Variants in PTPRN2 observed in about 807,000 individuals in gnomAD.
PTPRN2 encodes protein tyrosine phosphatase receptor type N2.
In PTPRN2, 74 loss-of-function variants were observed where a neutral mutation model predicts 118.8. The observed-to-expected ratio is 0.62, with a 90% confidence interval of 0.52 to 0.76. The LOEUF is 0.76. PTPRN2 is among the 30% of genes least tolerant of loss of function. The pLI, the probability that PTPRN2 is intolerant of heterozygous loss-of-function variation, is 0.00. For synonymous variants in PTPRN2, 641 were observed against 608.0 expected (o/e 1.05, Z -0.80); for missense variants, 1,481 against 1,394.4 (o/e 1.06, Z -0.99).
At chr7:157,997,777 G>A (rs1458984594) in intron 11 of PTPRN2, among the ~76,000 whole-genome samples, 2 of 150,244 alleles carry the variant, frequency 1.3e-5, no homozygotes, top group South Asian at 2.1e-4. Context: ...CCTGCACAGA[G>A]GAGAGGAATG....
At chr7:158,320,177 ACAGCCTCCCTCGTACACAC>A in intron 2 of PTPRN2, among the ~76,000 whole-genome samples, 2 of 138,474 alleles carry the variant, frequency 1.4e-5, no homozygotes, top group Admixed American at 7.0e-5. Context: ...TCGTACACAC[ACAGCCTCCCTCGTACACAC>A]ACAGCCTCCC....
intron 11 of PTPRN2, among the ~76,000 whole-genome samples, chr7:157,923,937 G>A (rs1371646682): frequency 6.6e-6 from 1 of 152,168 alleles, no homozygotes. Flanking sequence ...CTGAATTAGA[G>A]GAGGCTGGCT....
At chr7:157,665,872 A>C (rs999121497) in intron 13 of PTPRN2, among the ~76,000 whole-genome samples, 5 of 152,232 alleles carry the variant, frequency 3.3e-5, no homozygotes, top group African/African-American at 1.2e-4. Flanking sequence ...TTCTCAGCAA[A>C]ATATCACAAA....
At chr7:158,432,857 G>C (rs1816320768) in intron 2 of PTPRN2, among the ~76,000 whole-genome samples, 1 of 152,180 alleles carries the variant, frequency 6.6e-6, no homozygotes, top group Non-Finnish European at 1.5e-5. Flanking sequence ...CTGACCTGGA[G>C]TGAAAACAGG....
chr7:158,307,340 G>A (rs542167256), intron 3 of PTPRN2, among the ~76,000 whole-genome samples: 6 of 152,176 alleles, frequency 3.9e-5, no homozygotes, highest in African/African-American at 1.4e-4. Context: ...GATCTTAGCA[G>A]CAGAAGAAAG....
chr7:158,316,788 G>C (rs532097420), intron 3 of PTPRN2, 31 bp downstream of exon 3: 2 of 1,534,070 alleles, frequency 1.3e-6, no homozygotes, highest in African/African-American at 1.4e-5. Context: ...CAGTGCGGCA[G>C]CCGCCGAGCC....
chr7:158,158,244 T>G (rs1407020767), intron 6 of PTPRN2, among the ~76,000 whole-genome samples: 2 of 152,152 alleles, frequency 1.3e-5, no homozygotes, highest in Admixed American at 6.5e-5. Flanking sequence ...GTATCAGTTA[T>G]TTCTGTGTTA....
rs541322608 is a variant in PTPRN2 at position 157,929,996 on chromosome 7, G to C, written c.1724-31259C>G. Reference sequence around the variant, plus strand: ...CGTCCCAGCTCAGACGCTCAGCTCTGGGCCATCACCCGTCGCTCAGCCTGG... The same window carrying C: ...CGTCCCAGCTCAGACGCTCAGCTCTCGGCCATCACCCGTCGCTCAGCCTGG... On this transcript the variant is annotated intron_variant, in intron 11 of 22. Transcript: ENST00000389418. The surrounding 1 kb of genome is among the most constrained non-coding windows in gnomAD (Gnocchi z 4.4). Among the ~76,000 whole-genome samples, 1 of 152,312 alleles carries C rather than the reference G, an allele frequency of 6.6e-6. No individual in the cohort carries two copies. The highest frequency in any genetic ancestry group is 2.1e-4 in the South Asian group (1 of 4,818).
rs200475892 is a variant in PTPRN2, at chr7:158,064,676, G to GC, written c.1723+16621dup. Among the ~76,000 whole-genome samples the GC allele has an allele frequency of 3.0e-3, 449 of 152,182 alleles. 1 individual carries two copies. Among genetic ancestry groups the GC allele is most frequent in the Non-Finnish European group, 4.5e-3 (307 of 67,986 alleles). On this transcript the variant is annotated intron_variant, in intron 11 of 22. Coordinates refer to ENST00000389418, the MANE Select transcript of PTPRN2 (RefSeq NM_002847.5). ...CCTCTGTCATCTCCCACTCACCAAA[G>GC]CCCCCCCTGTGCCAGTGATTTCCAG...
At chr7:157,970,450 G>C (rs545869359) in intron 11 of PTPRN2, among the ~76,000 whole-genome samples, 40 of 152,348 alleles carry the variant, frequency 2.6e-4, no homozygotes, top group African/African-American at 9.4e-4. Flanking sequence ...CTCTATTCCA[G>C]CACAAGGGTC....
intron 11 of PTPRN2, among the ~76,000 whole-genome samples, chr7:157,913,610 T>C (rs894782545): frequency 3.9e-5 from 6 of 152,254 alleles, no homozygotes; most frequent in African/African-American, 1.2e-4. Context: ...AATGTTAATA[T>C]TTAGCAAATG....
rs183961368 is a variant in PTPRN2, at chr7:157,861,210, G to A, written c.1788+37463C>T. Among the ~76,000 whole-genome samples, 4 of 152,302 alleles carry A rather than the reference G, an allele frequency of 2.6e-5. No individual in the cohort carries two copies. The highest frequency in any genetic ancestry group is 1.9e-4 in the East Asian group (1 of 5,166). On this transcript the variant is annotated intron_variant, in intron 12 of 22. Coordinates refer to ENST00000389418, the MANE Select transcript of PTPRN2 (RefSeq NM_002847.5). This position sits in a 1 kb window ranked among gnomAD's most constrained non-coding sequence, Gnocchi z 5.8. Reference sequence around the variant, plus strand: ...GTGCTCCATGGTGACACTGCCCCACGGGGTCCAAATGCTGAATTCCTGTAC... The same window carrying A: ...GTGCTCCATGGTGACACTGCCCCACAGGGTCCAAATGCTGAATTCCTGTAC...
Position 158,097,308 on chromosome 7 carries a change from G to A in PTPRN2, c.1643+13521C>T, listed in dbSNP as rs376427958. Among the ~76,000 whole-genome samples the A allele has an allele frequency of 1.2e-4, 19 of 152,212 alleles. No homozygotes were observed. In the East Asian group the frequency reaches 2.9e-3, roughly 23 times the overall value. On this transcript the variant is annotated intron_variant, in intron 10 of 22. Coordinates refer to ENST00000389418, the MANE Select transcript of PTPRN2 (RefSeq NM_002847.5). The stretch of plus-strand genomic sequence containing the variant: ...GATCGAGCAGGCACAGGCACCTCCC[G>A]CGCCCCGTGCACAGAGAAGACCCCA...
At chr7:158,334,897 G>A (rs1199092914) in intron 2 of PTPRN2, among the ~76,000 whole-genome samples, 4 of 13,458 alleles carry the variant, frequency 3.0e-4, no homozygotes, top group Admixed American at 1.3e-3. Flanking sequence ...GTCCGGAGGC[G>A]TCACTCACAC....
chr7:158,373,689 C>A (rs185126331), intron 2 of PTPRN2, among the ~76,000 whole-genome samples: 11 of 152,304 alleles, frequency 7.2e-5, no homozygotes, highest in Admixed American at 5.9e-4. Context: ...CACTGCAGTG[C>A]GGCCAGTTCC....
chr7:157,921,697 T>A (rs184927451), intron 11 of PTPRN2, among the ~76,000 whole-genome samples: 2 of 152,240 alleles, frequency 1.3e-5, no homozygotes, highest in Non-Finnish European at 2.9e-5. Context: ...TTCCAGGGCA[T>A]GGCGCAGTAA....
At chr7:158,370,350 T>C (rs146055571) in intron 2 of PTPRN2, among the ~76,000 whole-genome samples, 14,193 of 151,846 alleles carry the variant, frequency 0.093, 820 homozygotes, top group East Asian at 0.17. Context: ...GCAGGAGAAT[T>C]GCTTGAACCT....
rs1276884018 is a variant in PTPRN2, at chr7:157,929,777, T to C, written c.1724-31040A>G. Among the ~76,000 whole-genome samples, 3 of 152,030 alleles carry C rather than the reference T, an allele frequency of 2.0e-5. No individual in the cohort carries two copies. Among genetic ancestry groups the C allele is most frequent in the African/African-American group, 7.2e-5 (3 of 41,442 alleles). ...AGATGAATGGTGCCAGAAGGGAGTCTTTCCAAGTGCCCTGTAATGCAGAAC... is the reference window on the plus strand; with the variant it reads ...AGATGAATGGTGCCAGAAGGGAGTCCTTCCAAGTGCCCTGTAATGCAGAAC... On this transcript the variant is annotated intron_variant, in intron 11 of 22. Transcript: ENST00000389418. The surrounding 1 kb of genome is among the most constrained non-coding windows in gnomAD (Gnocchi z 4.4).
chr7:158,152,099 G>A (rs1031951325), intron 6 of PTPRN2, among the ~76,000 whole-genome samples: 15 of 150,958 alleles, frequency 9.9e-5, no homozygotes, highest in East Asian at 2.0e-4. Context: ...GTGTGAACCC[G>A]GGAGGCGGAG....
Sources: gnomAD v4.1 joint callset for allele counts (sites outside exome capture counted in the v4.1 genomes callset) on GRCh38, gnomAD v4.1.1 for gene constraint, Gnocchi (gnomAD v3.1) non-coding constraint, MANE v1.5 for transcripts, NCBI Gene and HGNC (gene_info 2026-07-23, HGNC 2026-07-21) for gene names.